Variants in CTNND2 observed in about 807,000 individuals in gnomAD.
CTNND2 encodes the protein catenin delta-2.
Under a neutral mutation model 144.4 loss-of-function variants are expected in CTNND2, and 22 were observed. The ratio of observed to expected loss-of-function variants is 0.15; its 90% CI spans 0.11 to 0.22. The LOEUF (loss-of-function observed/expected upper bound fraction) is 0.22. Ranked by LOEUF, CTNND2 falls within the 10% of genes least tolerant of loss-of-function variation. The pLI is 1.00. For missense variants in CTNND2, 1,353 were observed against 1,618.8 expected, an observed-to-expected ratio of 0.84 and a Z score of 2.82; for synonymous variants, 751 against 695.6, an observed-to-expected ratio of 1.08 and a Z score of -1.25.
intron 2 of CTNND2, among the ~76,000 whole-genome samples, chr5:11,587,174 T>C (rs1443716171): frequency 2.0e-5 from 3 of 152,132 alleles, no homozygotes; most frequent in African/African-American, 4.8e-5. Context: ...TGAGACTTCA[T>C]AGTCATTTAC....
intron 1 of CTNND2, among the ~76,000 whole-genome samples, chr5:11,895,901 C>A (rs192755294): frequency 3.7e-4 from 56 of 152,178 alleles, no homozygotes; most frequent in African/African-American, 1.2e-3. Context: ...GAGAAAAACA[C>A]AATATTTCTC....
chr5:11,520,008 G>T (rs990271653), intron 3 of CTNND2, among the ~76,000 whole-genome samples: 1 of 151,166 alleles, frequency 6.6e-6, no homozygotes, highest in Non-Finnish European at 1.5e-5. Context: ...ACAGCTGGGC[G>T]TGGTGGTGGG....
At chr5:11,123,910 T>C (rs2149704718) in intron 12 of CTNND2, among the ~76,000 whole-genome samples, 1 of 152,314 alleles carries the variant, frequency 6.6e-6, no homozygotes, top group East Asian at 1.9e-4. Context: ...CCTAACAGGA[T>C]GGGACCATGG....
At position 11,543,653 on chromosome 5, in the gene CTNND2, C is replaced by T. The variant is rs533045828; in HGVS notation, c.287+21291G>A. On this transcript the variant is annotated intron_variant, in intron 3 of 21. Coordinates refer to ENST00000304623, the MANE Select transcript of CTNND2 (RefSeq NM_001332.4). Reference sequence around the variant, plus strand: ...AACGCTGTTTTTTTTTTTTTTTAAACCTACAGCAGTTCTTTTAATGATAAA... The same window carrying T: ...AACGCTGTTTTTTTTTTTTTTTAAATCTACAGCAGTTCTTTTAATGATAAA... 9.4e-5 allele frequency among the ~76,000 whole-genome samples: 14 copies of T among 148,560 alleles called. No individual in the cohort carries two copies. In the South Asian group the frequency reaches 3.0e-3, roughly 32 times the overall value.
rs149149447 is a variant in CTNND2 at position 11,245,177 on chromosome 5, T to C, written c.1629-8354A>G. On this transcript the variant is annotated intron_variant, in intron 9 of 21. Transcript: ENST00000304623. Reference sequence around the variant, plus strand: ...TTGTTCGTTCAGTGAAAGGACAGAATCCCCACTGGGAATTTAGGGGGCAGG... The same window carrying C: ...TTGTTCGTTCAGTGAAAGGACAGAACCCCCACTGGGAATTTAGGGGGCAGG... 3.6e-3 allele frequency among the ~76,000 whole-genome samples: 541 copies of C among 152,264 alleles called. 4 individuals are homozygous for C. The highest frequency in any genetic ancestry group is 0.013 in the African/African-American group (520 of 41,558).
chr5:11,075,177 T>C (rs1022114949), intron 16 of CTNND2, among the ~76,000 whole-genome samples: 3 of 152,106 alleles, frequency 2.0e-5, no homozygotes, highest in Non-Finnish European at 4.4e-5. Flanking sequence ...TCTTGGTTGG[T>C]GGATGCCTGT....
At chr5:11,314,511 C>T (rs772425775) in intron 9 of CTNND2, among the ~76,000 whole-genome samples, 16 of 152,128 alleles carry the variant, frequency 1.1e-4, no homozygotes, top group South Asian at 2.1e-4. Context: ...ATGCACACCA[C>T]GATGCCTAGC....
At position 11,641,735 on chromosome 5, in the gene CTNND2, T is replaced by C. The variant is rs1238602882; in HGVS notation, c.175-76679A>G. Among the ~76,000 whole-genome samples, 37 of 23,702 alleles carry C rather than the reference T, an allele frequency of 1.6e-3. 1 individual carries two copies. Among genetic ancestry groups the C allele is most frequent in the African/African-American group, 3.4e-3 (37 of 10,976 alleles). The allele number at this position is 23,702 out of a possible 152,430, so 15.5% of individuals were successfully genotyped here. ...GTGTGTATACATATACGTGTGTGTA[T>C]ATACATATACGTGTGTATGTACATA... is the stretch of plus-strand genomic sequence containing the variant. On this transcript the variant is annotated intron_variant, in intron 2 of 21. Coordinates refer to ENST00000304623, the MANE Select transcript of CTNND2 (RefSeq NM_001332.4).
intron 2 of CTNND2, among the ~76,000 whole-genome samples, chr5:11,622,409 A>G (rs907777408): frequency 1.3e-5 from 2 of 152,152 alleles, no homozygotes; most frequent in Admixed American, 1.3e-4. Context: ...ACTACATATA[A>G]TAGGTTTTGC....
chr5:11,229,681 T>TAA (rs1740778538), intron 10 of CTNND2, among the ~76,000 whole-genome samples: 1 of 151,314 alleles, frequency 6.6e-6, no homozygotes, highest in East Asian at 1.9e-4. Context: ...TGTATATATA[T>TAA]AACTGTGTAT....
intron 5 of CTNND2, among the ~76,000 whole-genome samples, chr5:11,402,098 G>A (rs1431148065): frequency 6.6e-6 from 1 of 152,068 alleles, no homozygotes. Flanking sequence ...ACAAGGCACA[G>A]TTCATTAAAA....
chr5:11,840,632 A>G (rs1794417497), intron 1 of CTNND2, among the ~76,000 whole-genome samples: 1 of 152,324 alleles, frequency 6.6e-6, no homozygotes, highest in South Asian at 2.1e-4. Flanking sequence ...GTATCACTTC[A>G]TGCTATTTAA....
chr5:11,305,056 TC>T (rs1328026895), intron 9 of CTNND2, among the ~76,000 whole-genome samples: 1 of 152,208 alleles, frequency 6.6e-6, no homozygotes, highest in Non-Finnish European at 1.5e-5. Context: ...CGCTTGCATC[TC>T]CCAGTCACCA....
rs368420419 is a variant in CTNND2, at chr5:11,241,019, AACAC to A, written c.1629-4200_1629-4197del. 3.5e-5 allele frequency among the ~76,000 whole-genome samples: 5 copies of A among 144,590 alleles called. No individual in the cohort carries two copies. The East Asian group carries it at 6.3e-4, about 18-fold the overall frequency. The allele number at this position is 144,590 out of a possible 152,430, so 94.9% of individuals were successfully genotyped here. On this transcript the variant is annotated intron_variant, in intron 9 of 21. Transcript: ENST00000304623. ...ACACACACACCAAACACACACACCC[AACAC>A]ACACACCCACCCCAACACACATGCA...
intron 1 of CTNND2, among the ~76,000 whole-genome samples, chr5:11,769,836 GT>G (rs1200202605): frequency 3.3e-5 from 5 of 152,154 alleles, no homozygotes; most frequent in Admixed American, 6.5e-5. Context: ...ATAATTTTCT[GT>G]ACCAACACTG....
intron 1 of CTNND2, among the ~76,000 whole-genome samples, chr5:11,777,510 G>A (rs1219620953): frequency 3.3e-5 from 5 of 152,062 alleles, no homozygotes; most frequent in Admixed American, 1.3e-4. Context: ...ATCCTGGATC[G>A]AGTTCTGAGA....
chr5:11,681,909 T>C (rs973860656), intron 2 of CTNND2, among the ~76,000 whole-genome samples: 10 of 152,216 alleles, frequency 6.6e-5, no homozygotes, highest in Admixed American at 1.3e-4. Context: ...TATCACAACA[T>C]AGTAAGAAAC....
At chr5:11,267,267 C>A (rs566549643) in intron 9 of CTNND2, among the ~76,000 whole-genome samples, 1 of 152,206 alleles carries the variant, frequency 6.6e-6, no homozygotes, top group Non-Finnish European at 1.5e-5. Context: ...GTGGAGCTAA[C>A]GGCTAATCCT....
At chr5:11,649,328 A>AT (rs1433163012) in intron 2 of CTNND2, among the ~76,000 whole-genome samples, 2 of 151,954 alleles carry the variant, frequency 1.3e-5, no homozygotes, top group Non-Finnish European at 2.9e-5. Flanking sequence ...TTTTATTTTT[A>AT]TTTTTTTAAG....
Sources: allele counts gnomAD v4.1 joint callset (sites outside exome capture counted in the v4.1 genomes callset), GRCh38; gene constraint gnomAD v4.1.1; transcripts MANE v1.5; gene names NCBI Gene and HGNC (gene_info 2026-07-23, HGNC 2026-07-21).